Variants in PCDHA5 observed in about 807,000 individuals in gnomAD.
The protein encoded by PCDHA5 is protocadherin alpha-5.
A neutral mutation model predicts 61.6 loss-of-function variants in PCDHA5; 43 were observed. The observed-to-expected ratio is 0.70, with a 90% CI of 0.55 to 0.90. The LOEUF (loss-of-function observed/expected upper bound fraction) is 0.90, where lower values mean the gene tolerates loss of function less well. Ranked by LOEUF, PCDHA5 falls within the 40% of genes least tolerant of loss-of-function variation. The probability of loss-of-function intolerance (pLI) is 0.00; values close to 1 mark genes in which losing one functional copy is unlikely to be tolerated. For synonymous variants in PCDHA5, 627 were observed against 543.9 expected, an observed-to-expected ratio of 1.15 and a Z score of -2.13; for missense variants, 1,298 against 1,222.7, an observed-to-expected ratio of 1.06 and a Z score of -0.92.
intron 1 of PCDHA5, among the ~76,000 whole-genome samples, chr5:140,906,909 G>A (rs1477484139): frequency 1.3e-5 from 2 of 152,174 alleles, no homozygotes; most frequent in Admixed American, 6.5e-5. Flanking sequence ...TTAAAGGTAG[G>A]AGGAGCCCAA....
intron 3 of PCDHA5, among the ~76,000 whole-genome samples, chr5:141,003,906 T>C (rs2153979379): frequency 6.6e-6 from 1 of 152,260 alleles, no homozygotes; most frequent in South Asian, 2.1e-4. Context: ...TTCATTTGGG[T>C]CTTGACTGCA....
At chr5:140,883,573 G>C in intron 1 of PCDHA5, 7 of 1,614,076 alleles carry the variant, frequency 4.3e-6, no homozygotes, top group Non-Finnish European at 5.9e-6. Flanking sequence ...CGCCTTCGCT[G>C]TGGGCCACGG....
chr5:140,927,275 A>G, intron 1 of PCDHA5: 1 of 1,614,124 alleles, frequency 6.2e-7, no homozygotes, highest in Non-Finnish European at 8.5e-7. Flanking sequence ...CCTGCCGGCG[A>G]CGTGCAGCTG....
At chr5:140,950,778 G>C (rs537312607) in intron 1 of PCDHA5, among the ~76,000 whole-genome samples, 3 of 152,030 alleles carry the variant, frequency 2.0e-5, no homozygotes, top group Admixed American at 1.3e-4. Flanking sequence ...CATACATATG[G>C]TACTTTTTAA....
rs1391320223 is a variant in PCDHA5, at chr5:140,927,345, C to T, written c.2353-51604C>T. The T allele has an allele frequency of 1.2e-6, 2 of 1,614,012 alleles. 1 individual carries two copies. On this transcript the variant is annotated intron_variant, in intron 1 of 3. Transcript: ENST00000529859. The stretch of plus-strand genomic sequence containing the variant: ...TTACTCTCCCGAATGCCCAAGATGA[C>T]GACGAGGGAAGCAATGGGATACTAA...
chr5:140,825,137 A>T (rs1027495465), intron 1 of PCDHA5: 3 of 151,772 alleles, frequency 2.0e-5, no homozygotes, highest in African/African-American at 4.8e-5. Context: ...TAAAAAACAT[A>T]TGAGTATTGA....
intron 1 of PCDHA5, among the ~76,000 whole-genome samples, chr5:140,917,270 T>C (rs782142831): frequency 2.6e-5 from 4 of 151,228 alleles, no homozygotes; most frequent in Admixed American, 6.6e-5. Context: ...GTTTGGTTTT[T>C]GTAATGACGC....
chr5:140,908,848 C>T (rs949816953), intron 1 of PCDHA5, among the ~76,000 whole-genome samples: 4 of 152,126 alleles, frequency 2.6e-5, no homozygotes, highest in East Asian at 3.9e-4. Context: ...GAGTAACATA[C>T]CCAAATGAGG....
At chr5:140,967,246 G>A in intron 1 of PCDHA5, 1 of 1,613,594 alleles carries the variant, frequency 6.2e-7, no homozygotes, top group Non-Finnish European at 8.5e-7. Context: ...TAAGCGAATC[G>A]GTGGCGCCTG....
intron 1 of PCDHA5, among the ~76,000 whole-genome samples, chr5:140,964,843 T>C (rs1229980696): frequency 6.6e-6 from 1 of 152,162 alleles, no homozygotes; most frequent in African/African-American, 2.4e-5. Flanking sequence ...TCCTACTCTG[T>C]ACCCTTGAGG....
rs369541654 is a variant in PCDHA5 at position 141,010,673 on chromosome 5, A to G, written c.*736A>G. On this transcript the variant is annotated 3_prime_UTR_variant, in exon 4 of 4. Coordinates refer to ENST00000529859, the MANE Select transcript of PCDHA5 (RefSeq NM_018908.3). ...TTTTAACAGAGAACCACCCTGGGAAACAGAAGCAGATCTGATGTGTTTCCT... is the reference window on the plus strand; with the variant it reads ...TTTTAACAGAGAACCACCCTGGGAAGCAGAAGCAGATCTGATGTGTTTCCT... 8.1e-4 allele frequency: 133 copies of G among 163,824 alleles called. No individual in the cohort carries two copies. Among genetic ancestry groups the G allele is most frequent in the Non-Finnish European group, 5.5e-4 (41 of 74,388 alleles). 10.1% of individuals were successfully genotyped at this position (163,824 alleles called of 1,614,324 possible). A position where few individuals can be genotyped will look rare whatever the true frequency, so the allele number is the denominator to read the frequency against.
At chr5:140,869,765 A>G in intron 1 of PCDHA5, 1 of 1,613,282 alleles carries the variant, frequency 6.2e-7, no homozygotes, top group Non-Finnish European at 8.5e-7. Context: ...GGAAAACCAG[A>G]GCTTACTGGC....
At chr5:140,916,596 G>A (rs1482287916) in intron 1 of PCDHA5, among the ~76,000 whole-genome samples, 3 of 152,194 alleles carry the variant, frequency 2.0e-5, no homozygotes, top group Non-Finnish European at 4.4e-5. Context: ...GCTAGGGCCT[G>A]GAATGCGGGC....
In PCDHA5 at chr5:140,850,346, C is replaced by A. The variant is rs2150480590; in HGVS notation, c.2352+26219C>A. On this transcript the variant is annotated intron_variant, in intron 1 of 3. Transcript: ENST00000529859. ...ACGAGCTGCAGCCAGAAACGGCCAGCGCGAGCATCCCGTTCCGCGTGGGGC... is the reference window on the plus strand; with the variant it reads ...ACGAGCTGCAGCCAGAAACGGCCAGAGCGAGCATCCCGTTCCGCGTGGGGC... 9 of 1,597,626 alleles carry A rather than the reference C, an allele frequency of 5.6e-6. 1 individual carries two copies. In the East Asian group the frequency reaches 2.0e-4, roughly 36 times the overall value.
chr5:140,970,894 C>T (rs1302694264), intron 1 of PCDHA5, among the ~76,000 whole-genome samples: 1 of 152,090 alleles, frequency 6.6e-6, no homozygotes, highest in Non-Finnish European at 1.5e-5. Context: ...ATGGACATTT[C>T]AGATAGATTT....
In PCDHA5 at chr5:140,936,501, T is replaced by A. The variant is rs192125282; in HGVS notation, c.2353-42448T>A. On this transcript the variant is annotated intron_variant, in intron 1 of 3. Transcript: ENST00000529859. ...AGCTTTCTTGTTTTAACTTGCACATTTAGATCTTAAATTACCTGAAATTGC... is the reference window on the plus strand; with the variant it reads ...AGCTTTCTTGTTTTAACTTGCACATATAGATCTTAAATTACCTGAAATTGC... Among the ~76,000 whole-genome samples, 509 of 152,360 alleles carry A rather than the reference T, an allele frequency of 3.3e-3. 1 individual carries two copies. Among genetic ancestry groups the A allele is most frequent in the African/African-American group, 0.011 (472 of 41,592 alleles).
In PCDHA5 at chr5:140,841,621, G is replaced by A. The variant is rs2150319619; in HGVS notation, c.2352+17494G>A. 7.4e-6 allele frequency: 12 copies of A among 1,614,032 alleles called. No homozygotes were observed. The African/African-American group carries it at 1.3e-4, about 18-fold the overall frequency. On this transcript the variant is annotated intron_variant, in intron 1 of 3. Coordinates refer to ENST00000529859, the MANE Select transcript of PCDHA5 (RefSeq NM_018908.3). ...GCGAGGAGCTGTGCGGGCGGAGCGC[G>A]GAGTGCAGCATCCACCTGGAGGTGA...
At chr5:140,953,419 C>T (rs2094885258) in intron 1 of PCDHA5, among the ~76,000 whole-genome samples, 2 of 152,134 alleles carry the variant, frequency 1.3e-5, no homozygotes, top group Admixed American at 1.3e-4. Context: ...GGCTCCTCCC[C>T]TTTGTCCTTA....
chr5:140,826,192 C>A (rs1297520917), intron 1 of PCDHA5, among the ~76,000 whole-genome samples: 3 of 152,134 alleles, frequency 2.0e-5, no homozygotes, highest in East Asian at 1.9e-4. Flanking sequence ...CTAAAGTTAA[C>A]AATGGTCACA....
Sources: gnomAD v4.1 joint callset for allele counts (sites outside exome capture counted in the v4.1 genomes callset) on GRCh38, gnomAD v4.1.1 for gene constraint, MANE v1.5 for transcripts, NCBI Gene and HGNC (gene_info 2026-07-23, HGNC 2026-07-21) for gene names.